Variants in SGCD observed in about 807,000 individuals in gnomAD.
The protein encoded by SGCD is sarcoglycan delta, also known as delta-sarcoglycan.
Under a neutral mutation model 36.6 loss-of-function variants are expected in SGCD, and 18 were observed. The ratio of observed to expected loss-of-function variants is 0.49; its 90% CI spans 0.34 to 0.73. The LOEUF is 0.73. Ranked by LOEUF, SGCD falls within the 30% of genes least tolerant of loss-of-function variation. SGCD has a pLI of 0.01. For synonymous variants in SGCD, 133 were observed against 130.6 expected (o/e 1.02, Z -0.12); for missense variants, 387 against 346.7 (o/e 1.12, Z -0.92).
intron 4 of SGCD, among the ~76,000 whole-genome samples, chr5:156,538,560 T>A (rs1213068798): frequency 6.6e-6 from 1 of 152,086 alleles, no homozygotes; most frequent in African/African-American, 2.4e-5. Context: ...TAGACTTAAT[T>A]TTTTTGGACT....
the SGCD span, among the ~76,000 whole-genome samples, chr5:155,751,792 C>T: frequency 5.3e-5 from 8 of 151,696 alleles, no homozygotes; most frequent in Non-Finnish European, 1.2e-4. Flanking sequence ...TTTGTAGTTA[C>T]ATTTTTAACT....
At chr5:155,868,147 G>C (rs988613162), upstream of SGCD, among the ~76,000 whole-genome samples, 2 of 151,950 alleles carry the variant, frequency 1.3e-5, no homozygotes, top group East Asian at 3.9e-4. Context: ...TGCCTCCCAG[G>C]CTCAAGCAAT....
chr5:156,623,083 GTTGTA>G (rs1346301656), intron 6 of SGCD, among the ~76,000 whole-genome samples: 2 of 151,892 alleles, frequency 1.3e-5, no homozygotes, highest in South Asian at 2.1e-4. Context: ...ATATATATTT[GTTGTA>G]TTATATGATA....
the SGCD span, among the ~76,000 whole-genome samples, chr5:155,838,879 G>C: frequency 6.6e-6 from 1 of 151,542 alleles, no homozygotes; most frequent in African/African-American, 2.4e-5. Flanking sequence ...TAACCAAAAT[G>C]AGTGACTGAG....
At chr5:155,931,650 G>A (rs1757099759) in intron 1 of SGCD, among the ~76,000 whole-genome samples, 1 of 152,148 alleles carries the variant, frequency 6.6e-6, no homozygotes, top group South Asian at 2.1e-4. Flanking sequence ...AGTATTCTTA[G>A]CATTTTGGAA....
intron 3 of SGCD, among the ~76,000 whole-genome samples, chr5:156,350,375 C>G (rs1010490350): frequency 9.9e-5 from 15 of 151,238 alleles, no homozygotes; most frequent in African/African-American, 3.6e-4. Context: ...AATCAAACCC[C>G]CTGTGTAATG....
At chr5:156,165,647 G>T (rs1256432469) in intron 3 of SGCD, among the ~76,000 whole-genome samples, 1 of 152,150 alleles carries the variant, frequency 6.6e-6, no homozygotes, top group African/African-American at 2.4e-5. Flanking sequence ...TCAGACCTGG[G>T]TGATATTGAC....
chr5:156,603,936 T>C (rs6556736), intron 6 of SGCD, among the ~76,000 whole-genome samples: 48,308 of 151,910 alleles, frequency 0.32, 8,584 homozygotes, highest in African/African-American at 0.49. Flanking sequence ...AGTTTAAGTC[T>C]AATATTTCTT....
At chr5:156,085,164 TTTGTTG>T (rs375003538) in intron 1 of SGCD, among the ~76,000 whole-genome samples, 3 of 151,978 alleles carry the variant, frequency 2.0e-5, no homozygotes, top group East Asian at 1.9e-4. Flanking sequence ...TTTCATTCTT[TTTGTTG>T]TTGTTGTTGT....
chr5:156,073,052 T>G lies in SGCD; in HGVS notation c.-281-44826T>G, dbSNP rs192561561. Among the ~76,000 whole-genome samples, 400 of 152,338 alleles carry G rather than the reference T, an allele frequency of 2.6e-3. 1 individual carries two copies. Among genetic ancestry groups the G allele is most frequent in the Non-Finnish European group, 4.0e-3 (275 of 68,038 alleles). ...TTCATCTAAATTTTTTTCAAAGTTT[T>G]CAACTTCTTTGCCTTTGGTTTGAAT... On this transcript the variant is annotated intron_variant, in intron 1 of 9. Transcript: ENST00000517913.
At chr5:156,344,719 G>A in intron 3 of SGCD, 42 bp downstream of exon 3, 3 of 1,401,704 alleles carry the variant, frequency 2.1e-6, no homozygotes, top group Non-Finnish European at 9.9e-7. Context: ...TCTTCCGGGA[G>A]GGGAAGCGTG....
At chr5:156,002,559 C>A (rs1219345200) in intron 1 of SGCD, among the ~76,000 whole-genome samples, 1 of 152,186 alleles carries the variant, frequency 6.6e-6, no homozygotes, top group Non-Finnish European at 1.5e-5. Flanking sequence ...TCTGCTTATG[C>A]CCCTTGGCTT....
chr5:156,072,332 A>C (rs1158315227), intron 1 of SGCD, among the ~76,000 whole-genome samples: 3 of 152,092 alleles, frequency 2.0e-5, no homozygotes, highest in African/African-American at 7.2e-5. Context: ...TCTGGTGGTC[A>C]CATAATCTCT....
intron 1 of SGCD, among the ~76,000 whole-genome samples, chr5:155,966,836 G>A (rs537046050): frequency 2.0e-5 from 3 of 151,958 alleles, no homozygotes; most frequent in South Asian, 4.1e-4. Context: ...AATGAACTTC[G>A]TATGGTTCCA....
intron 3 of SGCD, among the ~76,000 whole-genome samples, chr5:156,440,634 T>A (rs928863882): frequency 6.6e-6 from 1 of 152,174 alleles, no homozygotes; most frequent in Non-Finnish European, 1.5e-5. Flanking sequence ...ATTATTCATC[T>A]TTTTTATTAT....
intron 7 of SGCD, among the ~76,000 whole-genome samples, chr5:156,740,195 A>G (rs1756598019): frequency 6.6e-6 from 1 of 152,212 alleles, no homozygotes; most frequent in Non-Finnish European, 1.5e-5. Context: ...GCCTGGCATT[A>G]AAATCTCACT....
intron 7 of SGCD, among the ~76,000 whole-genome samples, chr5:156,742,197 T>A (rs370405544): frequency 6.6e-6 from 1 of 152,056 alleles, no homozygotes; most frequent in African/African-American, 2.4e-5. Flanking sequence ...TTTCTTGAGG[T>A]TTTATACACA....
At chr5:156,654,517 A>G (rs1403067419) in intron 7 of SGCD, among the ~76,000 whole-genome samples, 3 of 152,110 alleles carry the variant, frequency 2.0e-5, no homozygotes, top group African/African-American at 7.2e-5. Flanking sequence ...GGGGGGTCCA[A>G]ACTTTAGGCA....
intron 3 of SGCD, among the ~76,000 whole-genome samples, chr5:156,430,524 G>T (rs1437571372): frequency 1.3e-5 from 2 of 151,880 alleles, no homozygotes; most frequent in African/African-American, 4.8e-5. Flanking sequence ...CCATTGCTGG[G>T]GAGCTTGTGT....
Sources: gnomAD v4.1 joint callset for allele counts (sites outside exome capture counted in the v4.1 genomes callset) on GRCh38, gnomAD v4.1.1 for gene constraint, MANE v1.5 for transcripts, NCBI Gene and HGNC (gene_info 2026-07-23, HGNC 2026-07-21) for gene names.